The following HECW2 variants were observed in gnomAD, a reference collection of about 807,000 sequenced individuals.
HECW2 encodes E3 ubiquitin-protein ligase HECW2.
In HECW2, 61 loss-of-function variants were observed where a neutral mutation model predicts 175.2. That is an observed-to-expected ratio of 0.35 (90% CI 0.28 to 0.43). The LOEUF is 0.43. Among genes scored for constraint, HECW2 ranks in the 20% least tolerant of loss-of-function variants. The pLI is 1.00. For synonymous variants in HECW2, 671 were observed against 731.0 expected (o/e 0.92, Z 1.32); for missense variants, 1,524 against 2,000.5 (o/e 0.76, Z 4.54).
At chr2:196,483,172 A>T (rs1353756295) in intron 1 of HECW2, among the ~76,000 whole-genome samples, 1 of 152,094 alleles carries the variant, frequency 6.6e-6, no homozygotes, top group Non-Finnish European at 1.5e-5. Context: ...CTGACAACAT[A>T]GACAACTTGA....
chr2:196,563,779 G>T (rs1690087300), intron 1 of HECW2, among the ~76,000 whole-genome samples: 1 of 152,152 alleles, frequency 6.6e-6, no homozygotes, highest in African/African-American at 2.4e-5. Context: ...TATTAAGGGG[G>T]AGTGGAAGGA....
chr2:196,322,538 T>G lies in HECW2; in HGVS notation c.824A>C (p.Lys275Thr). ...DKFAKSRPII[K>T]RFLGKLTIPV... ...AATGGTTAGTTTCCCCAGAAAACGC[T>G]TGATGATGGGACGGCTCTTGGCAAA... The change falls in exon 7 of 29, where the codon AAG (lysine) becomes ACG (threonine). Residue 275 changes from lysine (K) to threonine (T), a missense_variant. Transcript: ENST00000644978. 6.2e-7 allele frequency: 1 copy of G among 1,614,076 alleles called. No individual in the cohort carries two copies. The highest frequency in any genetic ancestry group is 8.5e-7 in the Non-Finnish European group (1 of 1,179,950).
rs1020239940 is a variant in HECW2 at position 196,293,741 on chromosome 2, C to T, written c.2815-991G>A. 3.9e-5 allele frequency among the ~76,000 whole-genome samples: 6 copies of T among 152,304 alleles called. No individual in the cohort carries two copies. The East Asian group carries it at 1.2e-3, about 29-fold the overall frequency. On this transcript the variant is annotated intron_variant, in intron 13 of 28. Transcript: ENST00000644978. ...TATGCCACCTTACAGAGAGCCCTGACATAGCCAGTTTCTCCCCCAGTATTG... is the reference window on the plus strand; with the variant it reads ...TATGCCACCTTACAGAGAGCCCTGATATAGCCAGTTTCTCCCCCAGTATTG...
intron 2 of HECW2, among the ~76,000 whole-genome samples, chr2:196,379,228 G>C (rs1694134322): frequency 6.6e-6 from 1 of 152,152 alleles, no homozygotes; most frequent in Non-Finnish European, 1.5e-5. Flanking sequence ...TTTATTTACA[G>C]TTCAAAAACA....
intron 21 of HECW2, among the ~76,000 whole-genome samples, chr2:196,234,494 T>C (rs376561574): frequency 1.3e-5 from 2 of 152,186 alleles, no homozygotes; most frequent in East Asian, 3.9e-4. Flanking sequence ...GGGGTCTCAC[T>C]ATGTTGCCCA....
At chr2:196,458,386 T>A (rs1166253560) in intron 1 of HECW2, among the ~76,000 whole-genome samples, 2 of 152,100 alleles carry the variant, frequency 1.3e-5, no homozygotes, top group African/African-American at 4.8e-5. Flanking sequence ...GGTCTCATAA[T>A]GCTGGGAGTC....
chr2:196,535,708 G>A (rs977597703), intron 1 of HECW2, among the ~76,000 whole-genome samples: 6 of 152,096 alleles, frequency 3.9e-5, no homozygotes, highest in Admixed American at 2.6e-4. Flanking sequence ...CAGTCACCTT[G>A]GAAATGCAGA....
intron 19 of HECW2, among the ~76,000 whole-genome samples, chr2:196,246,636 C>A (rs1028124398): frequency 2.0e-5 from 3 of 151,958 alleles, no homozygotes; most frequent in African/African-American, 7.3e-5. Context: ...GTGATCCACC[C>A]CCCTCAGCCT....
At chr2:196,483,952 T>C (rs1342345010) in intron 1 of HECW2, among the ~76,000 whole-genome samples, 1 of 152,154 alleles carries the variant, frequency 6.6e-6, no homozygotes, top group Non-Finnish European at 1.5e-5. Context: ...ACCGTTCATT[T>C]TTAGATGTTA....
chr2:196,413,305 T>C (rs1695165847), intron 2 of HECW2, among the ~76,000 whole-genome samples: 1 of 151,222 alleles, frequency 6.6e-6, no homozygotes, highest in African/African-American at 2.4e-5. Flanking sequence ...CAGTGAGCTA[T>C]GATTGTGCCA....
intron 1 of HECW2, among the ~76,000 whole-genome samples, chr2:196,466,049 T>C (rs1480661121): frequency 2.6e-5 from 4 of 152,232 alleles, no homozygotes; most frequent in Non-Finnish European, 5.9e-5. Context: ...AAGAATATTT[T>C]TTAGAAACGA....
At chr2:196,332,147 G>GAAC in intron 4 of HECW2, among the ~76,000 whole-genome samples, 1 of 151,862 alleles carries the variant, frequency 6.6e-6, no homozygotes, top group South Asian at 2.1e-4. Context: ...TGAGAAAAGA[G>GAAC]ACCACATGAT....
chr2:196,327,090 G>C (rs1273354185), intron 5 of HECW2, among the ~76,000 whole-genome samples: 3 of 152,012 alleles, frequency 2.0e-5, no homozygotes, highest in Non-Finnish European at 4.4e-5. Context: ...CCCAAAAAAG[G>C]GTTCTCTTTG....
intron 2 of HECW2, among the ~76,000 whole-genome samples, chr2:196,346,857 A>C (rs1336823643): frequency 6.6e-6 from 1 of 151,158 alleles, no homozygotes; most frequent in Non-Finnish European, 1.5e-5. Flanking sequence ...AAAACAAAAA[A>C]ATTAGCTGGG....
chr2:196,352,046 T>C (rs1021563189), intron 2 of HECW2, among the ~76,000 whole-genome samples: 1 of 152,224 alleles, frequency 6.6e-6, no homozygotes. Context: ...CACAACTGAA[T>C]GTACCAAATG....
intron 1 of HECW2, among the ~76,000 whole-genome samples, chr2:196,491,347 C>A (rs1411479265): frequency 2.1e-5 from 3 of 142,452 alleles, no homozygotes; most frequent in East Asian, 4.1e-4. Context: ...ATGTCTAAAA[C>A]AAATACAAAA....
At chr2:196,575,796 A>G (rs1260800783) in intron 1 of HECW2, among the ~76,000 whole-genome samples, 1 of 152,206 alleles carries the variant, frequency 6.6e-6, no homozygotes, top group Non-Finnish European at 1.5e-5. Flanking sequence ...TGGGAGGCTA[A>G]GCAGGAGCAG....
At chr2:196,354,576 A>C (rs1693294647) in intron 2 of HECW2, among the ~76,000 whole-genome samples, 1 of 152,234 alleles carries the variant, frequency 6.6e-6, no homozygotes, top group African/African-American at 2.4e-5. Context: ...ATATTAATTG[A>C]ATATTAGTAC....
intron 7 of HECW2, 132 bp downstream of exon 7, chr2:196,322,346 C>T (rs190684566): frequency 4.7e-6 from 3 of 632,442 alleles, no homozygotes; most frequent in Admixed American, 6.5e-5. Context: ...AGTGTAAGGA[C>T]ACTTTTATTT....
Sources: gnomAD v4.1 joint callset for allele counts (sites outside exome capture counted in the v4.1 genomes callset) on GRCh38, gnomAD v4.1.1 for gene constraint, MANE v1.5 for transcripts, NCBI Gene and HGNC (gene_info 2026-07-23, HGNC 2026-07-21) for gene names.